The following ATP2B2 variants were observed in gnomAD, a reference collection of about 807,000 sequenced individuals.
The protein encoded by ATP2B2 is ATPase plasma membrane Ca2+ transporting 2, also known as plasma membrane calcium-transporting ATPase 2.
A neutral mutation model predicts 120.0 loss-of-function variants in ATP2B2; 15 were observed. That is an observed-to-expected ratio of 0.12 (90% confidence interval 0.08 to 0.19). The LOEUF (loss-of-function observed/expected upper bound fraction) is 0.19. ATP2B2 is among the 10% of genes least tolerant of loss of function. The pLI is 1.00. For missense variants in ATP2B2, 1,045 were observed against 1,719.8 expected (o/e 0.61, Z 6.94); for synonymous variants, 694 against 700.3 (o/e 0.99, Z 0.14).
chr3:10,333,424 T>G (rs962113737), intron 22 of ATP2B2, among the ~76,000 whole-genome samples: 4 of 151,986 alleles, frequency 2.6e-5, no homozygotes, highest in Admixed American at 2.6e-4. Context: ...AACCTCCCTG[T>G]GGGAGGAAAG....
intron 12 of ATP2B2, among the ~76,000 whole-genome samples, chr3:10,361,625 A>T (rs2060903080): frequency 6.6e-6 from 1 of 152,208 alleles, no homozygotes; most frequent in South Asian, 2.1e-4. Context: ...GGCTGCCCGA[A>T]CACGGGCTGT....
chr3:10,574,516 C>G (rs900687887), intron 2 of ATP2B2, among the ~76,000 whole-genome samples: 7 of 152,192 alleles, frequency 4.6e-5, no homozygotes, highest in African/African-American at 9.6e-5. Flanking sequence ...TATTGATTTT[C>G]AGTCCATCTC....
intron 1 of ATP2B2, among the ~76,000 whole-genome samples, chr3:10,464,088 A>T (rs1469950824): frequency 6.6e-6 from 1 of 152,062 alleles, no homozygotes; most frequent in Admixed American, 6.5e-5. Flanking sequence ...AAGTGTGACC[A>T]TGGGGGGGCC....
chr3:10,422,775 A>G (rs1196736926), intron 2 of ATP2B2, among the ~76,000 whole-genome samples: 4 of 152,268 alleles, frequency 2.6e-5, no homozygotes, highest in Non-Finnish European at 5.9e-5. Flanking sequence ...CCATGTGGAC[A>G]TGGCACAGAA....
intron 12 of ATP2B2, among the ~76,000 whole-genome samples, chr3:10,368,686 G>A (rs533306127): frequency 3.5e-5 from 5 of 143,272 alleles, no homozygotes; most frequent in African/African-American, 7.9e-5. Flanking sequence ...CCACCTAACC[G>A]CCATCCATCT....
chr3:10,579,892 T>C (rs374065415), intron 2 of ATP2B2, among the ~76,000 whole-genome samples: 24 of 152,024 alleles, frequency 1.6e-4, no homozygotes, highest in African/African-American at 5.8e-4. Context: ...GCCCCACAGT[T>C]TCCCCTTCCA....
intron 2 of ATP2B2, among the ~76,000 whole-genome samples, chr3:10,428,828 G>T (rs908090638): frequency 4.6e-5 from 7 of 152,216 alleles, no homozygotes; most frequent in Non-Finnish European, 8.8e-5. Context: ...CCTTCGCCCA[G>T]GTCTGAGTTC....
Position 10,364,972 on chromosome 3 carries a change from G to A in ATP2B2, c.1660-4849C>T, listed in dbSNP as rs141739729. Among the ~76,000 whole-genome samples the A allele has an allele frequency of 2.1e-3, 324 of 152,266 alleles. 3 individuals carry two copies. The highest frequency in any genetic ancestry group is 7.1e-3 in the African/African-American group (297 of 41,554). On this transcript the variant is annotated intron_variant, in intron 12 of 22. Transcript: ENST00000360273. ...CCGTTTCCCCAAATGCCTTCTCTGC[G>A]CTCACCACTCTGCTGAGTTCTTCAC...
At chr3:10,553,706 C>A (rs1024788274) in intron 2 of ATP2B2, among the ~76,000 whole-genome samples, 1 of 152,200 alleles carries the variant, frequency 6.6e-6, no homozygotes, top group African/African-American at 2.4e-5. Context: ...AGAGCAGCAG[C>A]TCGGAGTGGG....
rs552754323 is a variant in ATP2B2, at chr3:10,495,483, C to T, written c.-320+9982G>A. On this transcript the variant is annotated intron_variant, in intron 1 of 22. Coordinates refer to ENST00000360273, the MANE Select transcript of ATP2B2 (RefSeq NM_001001331.4). ...TGAGAGTAAAGGAAACTTTTGCACA[C>T]GGAGCCCCTAGCATCGAAATTGCTC... is the stretch of plus-strand genomic sequence containing the variant. 2.6e-4 allele frequency among the ~76,000 whole-genome samples: 39 copies of T among 152,326 alleles called. 1 individual carries two copies. The highest frequency in any genetic ancestry group is 2.2e-3 in the Admixed American group (34 of 15,310).
At chr3:10,546,434 A>G (rs2067549125) in intron 2 of ATP2B2, among the ~76,000 whole-genome samples, 1 of 152,054 alleles carries the variant, frequency 6.6e-6, no homozygotes, top group African/African-American at 2.4e-5. Context: ...CCCTCTGTCC[A>G]GGGTTACCTA....
chr3:10,467,123 G>A (rs371266190), intron 1 of ATP2B2, among the ~76,000 whole-genome samples: 2 of 152,314 alleles, frequency 1.3e-5, no homozygotes, highest in Non-Finnish European at 1.5e-5. Flanking sequence ...CACTGGATTG[G>A]AGCCCAGGGG....
chr3:10,388,243 C>T (rs766527964), intron 6 of ATP2B2, 34 bp downstream of exon 6: 2 of 1,613,808 alleles, frequency 1.2e-6, no homozygotes, highest in South Asian at 1.1e-5. Flanking sequence ...GCCTTAAGAG[C>T]TCCTCTCCTG....
intron 12 of ATP2B2, among the ~76,000 whole-genome samples, chr3:10,363,320 C>T (rs1044854200): frequency 6.6e-6 from 1 of 152,210 alleles, no homozygotes; most frequent in Non-Finnish European, 1.5e-5. Context: ...TTTTTATCTC[C>T]AGGGCTCCAA....
intron 1 of ATP2B2, among the ~76,000 whole-genome samples, chr3:10,690,432 ATATCTATC>A (rs58646066): frequency 0.01 from 1,544 of 148,918 alleles, 14 homozygotes; most frequent in African/African-American, 0.025. Flanking sequence ...ATCTATATCT[ATATCTATC>A]TATCTATCTA....
In ATP2B2 at chr3:10,350,469, G is replaced by A. The variant is rs1559545069; in HGVS notation, c.2245C>T (p.His749Tyr). The A allele has an allele frequency of 6.2e-7, 1 of 1,614,254 alleles. No individual in the cohort carries two copies. Among genetic ancestry groups the A allele is most frequent in the South Asian group, 1.1e-5 (1 of 91,092 alleles). The change falls in exon 15 of 23, where the codon CAT (histidine) becomes TAT (tyrosine). Residue 749 changes from histidine (H) to tyrosine (Y), a missense_variant. Coordinates refer to ENST00000360273, the MANE Select transcript of ATP2B2 (RefSeq NM_001001331.4). The stretch of plus-strand genomic sequence containing the variant: ...AGGCACAGAAAGTCCTCCCCAGGAT[G>A]GATGATGCCACACTTGATGGCGATG... ...RAIAIKCGII[H>Y]PGEDFLCLEG...
chr3:10,438,270 G>C (rs879828544), intron 2 of ATP2B2, among the ~76,000 whole-genome samples: 4 of 152,224 alleles, frequency 2.6e-5, no homozygotes, highest in African/African-American at 9.6e-5. Context: ...ACCCCACTGA[G>C]CTGGGGTGTG....
At chr3:10,628,971 T>G (rs2069785637) in intron 1 of ATP2B2, among the ~76,000 whole-genome samples, 1 of 152,242 alleles carries the variant, frequency 6.6e-6, no homozygotes. Flanking sequence ...TTAATATCTA[T>G]CGTTGGCTCA....
chr3:10,562,464 A>G (rs773587199), intron 2 of ATP2B2, among the ~76,000 whole-genome samples: 29 of 152,018 alleles, frequency 1.9e-4, no homozygotes, highest in Admixed American at 1.6e-3. Flanking sequence ...TCACTAGTCT[A>G]TGGGTCTTCT....
Sources: allele counts gnomAD v4.1 joint callset (sites outside exome capture counted in the v4.1 genomes callset), GRCh38; gene constraint gnomAD v4.1.1; transcripts MANE v1.5; gene names NCBI Gene and HGNC (gene_info 2026-07-23, HGNC 2026-07-21).